GPC5: variants seen among roughly 807,000 people sequenced by gnomAD.
GPC5 encodes the protein glypican 5.
A neutral mutation model predicts 53.9 loss-of-function variants in GPC5; 47 were observed. The ratio of observed to expected loss-of-function variants is 0.87; its 90% CI spans 0.69 to 1.11. The LOEUF (loss-of-function observed/expected upper bound fraction) is 1.11, where lower values mean the gene tolerates loss of function less well. GPC5 is among the 50% of genes most tolerant of loss of function. The pLI, the probability that GPC5 is intolerant of heterozygous loss-of-function variation, is 0.00. For synonymous variants in GPC5, 286 were observed against 263.3 expected (o/e 1.09, Z -0.84); for missense variants, 748 against 713.1 (o/e 1.05, Z -0.56).
intron 2 of GPC5, among the ~76,000 whole-genome samples, chr13:91,661,536 A>G (rs2034988985): frequency 6.6e-6 from 1 of 152,190 alleles, no homozygotes; most frequent in Non-Finnish European, 1.5e-5. Context: ...TAAGTCATTT[A>G]TGCAATGCAT....
intron 7 of GPC5, among the ~76,000 whole-genome samples, chr13:92,804,957 C>T (rs532567390): frequency 2.0e-4 from 30 of 152,160 alleles, no homozygotes; most frequent in African/African-American, 6.5e-4. Context: ...TCCTCATCCG[C>T]TCAAGTTTTA....
intron 7 of GPC5, among the ~76,000 whole-genome samples, chr13:92,175,947 G>C (rs1195360007): frequency 6.6e-6 from 1 of 152,018 alleles, no homozygotes; most frequent in East Asian, 1.9e-4. Flanking sequence ...TACTTTTTAG[G>C]TTTCAGATTC....
chr13:92,359,562 A>G (rs957434409), intron 7 of GPC5, among the ~76,000 whole-genome samples: 4 of 151,674 alleles, frequency 2.6e-5, no homozygotes, highest in African/African-American at 9.8e-5. Context: ...ATTACTATAA[A>G]GAACTACATG....
chr13:92,469,334 A>C (rs1206229002), intron 7 of GPC5, among the ~76,000 whole-genome samples: 3 of 152,030 alleles, frequency 2.0e-5, no homozygotes. Flanking sequence ...CAACCTCCCA[A>C]GTATCTAAAT....
At chr13:91,740,479 C>G (rs1594506361) in intron 4 of GPC5, among the ~76,000 whole-genome samples, 1 of 152,124 alleles carries the variant, frequency 6.6e-6, no homozygotes, top group South Asian at 2.1e-4. Flanking sequence ...TGTGAGTCTT[C>G]TTTTAGCTTG....
intron 5 of GPC5, among the ~76,000 whole-genome samples, chr13:91,897,897 C>T (rs2039460079): frequency 1.3e-5 from 2 of 152,074 alleles, no homozygotes; most frequent in South Asian, 4.1e-4. Context: ...TTGTGATTTA[C>T]CTCAACACTT....
intron 6 of GPC5, among the ~76,000 whole-genome samples, chr13:92,082,443 C>T (rs2041303630): frequency 6.6e-6 from 1 of 152,100 alleles, no homozygotes; most frequent in Non-Finnish European, 1.5e-5. Context: ...TGACAGCCTT[C>T]AAGTGATTTT....
At chr13:91,463,475 G>T (rs1882057571) in intron 2 of GPC5, among the ~76,000 whole-genome samples, 1 of 152,094 alleles carries the variant, frequency 6.6e-6, no homozygotes, top group African/African-American at 2.4e-5. Flanking sequence ...TAAAATTTAT[G>T]TGGAAAGGCA....
chr13:91,673,352 T>G (rs1369057965), intron 2 of GPC5, among the ~76,000 whole-genome samples: 5 of 152,152 alleles, frequency 3.3e-5, no homozygotes, highest in Admixed American at 3.3e-4. Context: ...TTTAAAAAAT[T>G]TAGTTATTCT....
intron 2 of GPC5, among the ~76,000 whole-genome samples, chr13:91,498,592 C>T (rs186634963): frequency 4.7e-4 from 72 of 152,094 alleles, no homozygotes; most frequent in Middle Eastern, 3.4e-3. Context: ...GGGAGATCAT[C>T]GTGTTTTTAA....
intron 7 of GPC5, among the ~76,000 whole-genome samples, chr13:92,487,934 GGAAGGAAATAT>G (rs1456687536): frequency 3.3e-5 from 5 of 151,940 alleles, no homozygotes; most frequent in Non-Finnish European, 5.9e-5. Flanking sequence ...ATTAGTGATT[GGAAGGAAATAT>G]GAAGGGAATT....
At chr13:92,678,516 A>G (rs1887017901) in intron 7 of GPC5, among the ~76,000 whole-genome samples, 1 of 152,220 alleles carries the variant, frequency 6.6e-6, no homozygotes, top group Admixed American at 6.5e-5. Flanking sequence ...TAATAGGACC[A>G]GCAAATGCAA....
At position 91,914,760 on chromosome 13, in the gene GPC5, T is replaced by TAC. The variant is rs966851305; in HGVS notation, c.1401+6721_1401+6722dup. ...AATAGATGGTTACACAGGTAGTGTT[T>TAC]ACACACACACACACACACAACACAA... On this transcript the variant is annotated intron_variant, in intron 6 of 7. Coordinates refer to ENST00000377067, the MANE Select transcript of GPC5 (RefSeq NM_004466.6). Among the ~76,000 whole-genome samples the TAC allele has an allele frequency of 2.2e-3, 284 of 129,464 alleles. 1 individual carries two copies. Among genetic ancestry groups the TAC allele is most frequent in the South Asian group, 0.01 (40 of 3,834 alleles). 84.9% of individuals were successfully genotyped at this position (129,464 alleles called of 152,430 possible). A position where few individuals can be genotyped will look rare whatever the true frequency, so the allele number is the denominator to read the frequency against.
intron 7 of GPC5, among the ~76,000 whole-genome samples, chr13:92,542,207 C>T (rs1881953054): frequency 6.6e-6 from 1 of 151,856 alleles, no homozygotes; most frequent in South Asian, 2.1e-4. Flanking sequence ...ATCCTCTCTC[C>T]CACCTATTTG....
chr13:92,058,111 G>A (rs919260445), intron 6 of GPC5, among the ~76,000 whole-genome samples: 1 of 152,158 alleles, frequency 6.6e-6, no homozygotes, highest in Non-Finnish European at 1.5e-5. Context: ...TGAGTCCTCT[G>A]GGATGATTAG....
At chr13:92,623,757 A>T (rs1884954119) in intron 7 of GPC5, among the ~76,000 whole-genome samples, 1 of 152,158 alleles carries the variant, frequency 6.6e-6, no homozygotes, top group Admixed American at 6.5e-5. Flanking sequence ...TTAAAAAAAA[A>T]ACCAGTGAAA....
intron 7 of GPC5, among the ~76,000 whole-genome samples, chr13:92,276,797 T>G (rs572540139): frequency 9.9e-5 from 15 of 152,198 alleles, no homozygotes; most frequent in African/African-American, 3.6e-4. Flanking sequence ...TAGATTTTAT[T>G]AACATTGCCA....
rs771236067 is a variant in GPC5, at chr13:92,324,410, A to G, written c.1561+179421A>G. ...ACGTGCATGGTGAGGGATAAAGTACATTTTTCTAGAAACACATTTGCTTTC... is the reference window on the plus strand; with the variant it reads ...ACGTGCATGGTGAGGGATAAAGTACGTTTTTCTAGAAACACATTTGCTTTC... On this transcript the variant is annotated intron_variant, in intron 7 of 7. Coordinates refer to ENST00000377067, the MANE Select transcript of GPC5 (RefSeq NM_004466.6). 1.7e-4 allele frequency among the ~76,000 whole-genome samples: 26 copies of G among 151,884 alleles called. 1 individual carries two copies. Among genetic ancestry groups the G allele is most frequent in the Non-Finnish European group, 2.7e-4 (18 of 67,860 alleles).
Position 91,693,427 on chromosome 13 carries a change from A to G in GPC5, c.566A>G (p.Glu189Gly), listed in dbSNP as rs561761293. ...CCTGGTGTGACTGACAGTTCCCTGGAATACTCAGAATGCATCCGGATGGCT... is the reference window on the plus strand; with the variant it reads ...CCTGGTGTGACTGACAGTTCCCTGGGATACTCAGAATGCATCCGGATGGCT... ...INPGVTDSSL[E>G]YSECIRMARR... The change falls in exon 3 of 8, where the codon GAA becomes GGA. Residue 189 changes from glutamate (E) to glycine (G), a missense_variant. Glu to Gly is a moderately conservative substitution (Grantham distance 98). Transcript: ENST00000377067. The G allele has an allele frequency of 1.3e-5, 21 of 1,614,144 alleles. 1 individual carries two copies. The Middle Eastern group carries it at 8.2e-4, about 63-fold the overall frequency.
Sources: gnomAD v4.1 joint callset for allele counts (sites outside exome capture counted in the v4.1 genomes callset) on GRCh38, gnomAD v4.1.1 for gene constraint, MANE v1.5 for transcripts, NCBI Gene and HGNC (gene_info 2026-07-23, HGNC 2026-07-21) for gene names.